PLA2G5: variants seen among roughly 807,000 people sequenced by gnomAD.
PLA2G5 encodes Ca2+-dependent phospholipase A2.
PLA2G5 carries 12 observed loss-of-function variants against 15.9 expected under a neutral mutation model. The ratio of observed to expected loss-of-function variants is 0.76; its 90% CI spans 0.48 to 1.23. The LOEUF is 1.23. Among genes scored for constraint, PLA2G5 ranks in the 50% most tolerant of loss-of-function variants. PLA2G5 has a pLI of 0.00. For synonymous variants in PLA2G5, 71 were observed against 71.4 expected (o/e 0.99, Z 0.03); for missense variants, 169 against 177.1 (o/e 0.95, Z 0.26).
chr1:20,042,690 A>G (rs2013675238), intron 1 of PLA2G5, among the ~76,000 whole-genome samples: 1 of 152,166 alleles, frequency 6.6e-6, no homozygotes, highest in Non-Finnish European at 1.5e-5. Flanking sequence ...CCAGGTATCC[A>G]AAGGTGAAAG....
intron 1 of PLA2G5, among the ~76,000 whole-genome samples, chr1:20,039,851 A>C (rs910226429): frequency 1.3e-5 from 2 of 152,228 alleles, no homozygotes; most frequent in Non-Finnish European, 2.9e-5. Flanking sequence ...CAGGTTTCTT[A>C]AACTTAGGTT....
At chr1:20,068,408 T>C (rs750579501), upstream of PLA2G5, among the ~76,000 whole-genome samples, 4 of 151,782 alleles carry the variant, frequency 2.6e-5, no homozygotes, top group Non-Finnish European at 5.9e-5. Flanking sequence ...GTACTAAACA[T>C]TACTGATTGA....
intron 1 of PLA2G5, among the ~76,000 whole-genome samples, chr1:20,040,765 C>T (rs1569643906): frequency 6.6e-6 from 1 of 152,222 alleles, no homozygotes; most frequent in African/African-American, 2.4e-5. Context: ...TCAGGGCAAA[C>T]TTGCCTCCCA....
intron 1 of PLA2G5, among the ~76,000 whole-genome samples, chr1:20,074,339 G>C (rs534234277): frequency 2.6e-5 from 4 of 152,278 alleles, no homozygotes; most frequent in Admixed American, 2.6e-4. Flanking sequence ...TTGCAGGGAG[G>C]GGGTCCTACA....
At chr1:20,064,075 G>T (rs1351532413) in intron 2 of PLA2G5, among the ~76,000 whole-genome samples, 1 of 152,104 alleles carries the variant, frequency 6.6e-6, no homozygotes, top group Non-Finnish European at 1.5e-5. Context: ...TGGACCTTTC[G>T]CTGAGTTTCA....
chr1:20,040,577 TACACACACACACACAC>T (rs60942082), intron 1 of PLA2G5, among the ~76,000 whole-genome samples: 3 of 150,642 alleles, frequency 2.0e-5, no homozygotes, highest in Non-Finnish European at 4.4e-5. Flanking sequence ...AGCTGACAAA[TACACACACACACACAC>T]ACACACACAC....
chr1:20,056,845 A>G (rs1557733962), intron 1 of PLA2G5, among the ~76,000 whole-genome samples: 2 of 152,278 alleles, frequency 1.3e-5, no homozygotes, highest in South Asian at 2.1e-4. Flanking sequence ...ATCTGGGCCT[A>G]ATAGTTTCTA....
At chr1:20,063,265 C>G (rs2014835857) in intron 2 of PLA2G5, among the ~76,000 whole-genome samples, 1 of 152,110 alleles carries the variant, frequency 6.6e-6, no homozygotes, top group African/African-American at 2.4e-5. Flanking sequence ...AATAGGTGCC[C>G]TGGTTAGTGA....
chr1:20,031,957 A>C (rs1195679251), intron 1 of PLA2G5, among the ~76,000 whole-genome samples: 5 of 152,118 alleles, frequency 3.3e-5, no homozygotes, highest in Non-Finnish European at 7.3e-5. Context: ...CATGCAGGCC[A>C]ACTACCCGGT....
chr1:20,036,698 T>C (rs554037950), intron 1 of PLA2G5, among the ~76,000 whole-genome samples: 2 of 152,304 alleles, frequency 1.3e-5, no homozygotes, highest in South Asian at 4.1e-4. Context: ...CAGAGTTTGC[T>C]CTTGTTGCCC....
rs1472232703 is a variant in PLA2G5 at position 20,091,401 on chromosome 1, G to A, written c.*709G>A. On this transcript the variant is annotated 3_prime_UTR_variant, in exon 5 of 5. Coordinates refer to ENST00000375108, the MANE Select transcript of PLA2G5 (RefSeq NM_000929.3). ...TCGATGGGGTCAGGGAAAGATAACTGGTGATTATGCCAGCTTCAGCTTCCA... is the reference window on the plus strand; with the variant it reads ...TCGATGGGGTCAGGGAAAGATAACTAGTGATTATGCCAGCTTCAGCTTCCA... Among the ~76,000 whole-genome samples, 1 of 152,178 alleles carries A rather than the reference G, an allele frequency of 6.6e-6. No homozygotes were observed. Among genetic ancestry groups the A allele is most frequent in the African/African-American group, 2.4e-5 (1 of 41,424 alleles).
Position 20,042,949 on chromosome 1 carries a change from A to G in PLA2G5, n.276+14240A>G, listed in dbSNP as rs574988659. ...ATTTGTAGGAGGGGCTATAAAGTAG[A>G]AGGTTGTCAAAATATTCAATAAGGT... On this transcript the variant is annotated intron_variant and non_coding_transcript_variant, in intron 1 of 6. Transcript: ENST00000460175. 2.0e-5 allele frequency among the ~76,000 whole-genome samples: 3 copies of G among 152,258 alleles called. No homozygotes were observed. In the South Asian group the frequency reaches 6.2e-4, roughly 32 times the overall value.
At chr1:20,067,851 G>T (rs1048797207), upstream of PLA2G5, among the ~76,000 whole-genome samples, 15 of 152,140 alleles carry the variant, frequency 9.9e-5, no homozygotes, top group Non-Finnish European at 2.9e-5. Context: ...GGGCGCGGTG[G>T]CTCATGCCTG....
chr1:20,044,880 C>T (rs1044692039), intron 1 of PLA2G5, among the ~76,000 whole-genome samples: 3 of 151,258 alleles, frequency 2.0e-5, no homozygotes, highest in South Asian at 2.1e-4. Flanking sequence ...GACTTAGCAG[C>T]GTTTGGGGTT....
At chr1:20,052,288 C>A (rs1364376785) in intron 1 of PLA2G5, among the ~76,000 whole-genome samples, 3 of 151,458 alleles carry the variant, frequency 2.0e-5, no homozygotes, top group Non-Finnish European at 4.4e-5. Context: ...GGCTACAAGT[C>A]TTTCAAATAA....
chr1:20,072,127 C>G (rs946088821), intron 1 of PLA2G5, among the ~76,000 whole-genome samples: 3 of 151,918 alleles, frequency 2.0e-5, no homozygotes, highest in African/African-American at 7.3e-5. Context: ...AATAAAGTGG[C>G]CACTCCCACC....
chr1:20,070,389 G>A lies in PLA2G5; in HGVS notation c.-87G>A, dbSNP rs1046691712. The stretch of plus-strand genomic sequence containing the variant: ...TGGAGACGGGGAGCCCGCGAGACCC[G>A]GGTCTCCAGGGTCTGCCCAAGGAAG... On this transcript the variant is annotated 5_prime_UTR_variant, in exon 1 of 5. Coordinates refer to ENST00000375108, the MANE Select transcript of PLA2G5 (RefSeq NM_000929.3). The A allele has an allele frequency of 2.5e-5, 25 of 984,928 alleles. No homozygotes were observed. The highest frequency in any genetic ancestry group is 6.1e-5 in the Admixed American group (1 of 16,268). 61.0% of individuals were successfully genotyped at this position (984,928 alleles called of 1,614,324 possible). A position where few individuals can be genotyped will look rare whatever the true frequency, so the allele number is the denominator to read the frequency against.
Position 20,086,771 on chromosome 1 carries a change from T to C in PLA2G5, c.185+544T>C, listed in dbSNP as rs532302447. On this transcript the variant is annotated intron_variant, in intron 3 of 4. Coordinates refer to ENST00000375108, the MANE Select transcript of PLA2G5 (RefSeq NM_000929.3). ...AGCCTCAGAAATCCCATTGTGTCACTTACACTGTACTCTTGGTCAAAGCAG... is the reference window on the plus strand; with the variant it reads ...AGCCTCAGAAATCCCATTGTGTCACCTACACTGTACTCTTGGTCAAAGCAG... 9.2e-5 allele frequency among the ~76,000 whole-genome samples: 14 copies of C among 152,304 alleles called. 1 individual carries two copies. The South Asian group carries it at 2.9e-3, about 32-fold the overall frequency.
upstream of PLA2G5, chr1:20,066,245 T>C (rs887365882): frequency 6.6e-6 from 1 of 152,252 alleles, no homozygotes; most frequent in East Asian, 1.9e-4. Context: ...TTCAGATCTT[T>C]TGCTCATTTT....
Sources: allele counts gnomAD v4.1 joint callset (sites outside exome capture counted in the v4.1 genomes callset), GRCh38; gene constraint gnomAD v4.1.1; transcripts MANE v1.5; gene names NCBI Gene and HGNC (gene_info 2026-07-23, HGNC 2026-07-21).